CA10: variants seen among roughly 807,000 people sequenced by gnomAD.
CA10 encodes carbonic anhydrase-related protein 10.
A neutral mutation model predicts 44.2 loss-of-function variants in CA10; 14 were observed. The observed-to-expected ratio is 0.32, with a 90% CI of 0.21 to 0.50. CA10 has a LOEUF of 0.50. Ranked by LOEUF, CA10 falls within the 20% of genes least tolerant of loss-of-function variation. CA10 has a pLI of 0.99. For missense variants in CA10, 350 were observed against 409.7 expected (o/e 0.85, Z 1.26); for synonymous variants, 159 against 141.6 (o/e 1.12, Z -0.87).
intron 4 of CA10, among the ~76,000 whole-genome samples, chr17:51,679,184 TGCAGATTCTGATTCATTATGTCTGGG>T (rs1305139782): frequency 6.2e-4 from 94 of 152,220 alleles, no homozygotes; most frequent in African/African-American, 1.9e-3. Flanking sequence ...CTTGTTAAAA[TGCAGATTCTGATTCATTATGTCTGGG>T]GCAGATTCTG....
At chr17:51,962,472 G>A (rs1359065849) in intron 2 of CA10, among the ~76,000 whole-genome samples, 4 of 152,168 alleles carry the variant, frequency 2.6e-5, no homozygotes, top group African/African-American at 9.7e-5. Context: ...TGGGCTCCAT[G>A]GATGAGCCCA....
intron 3 of CA10, among the ~76,000 whole-genome samples, chr17:51,812,013 T>G (rs1023293707): frequency 6.6e-6 from 1 of 152,206 alleles, no homozygotes; most frequent in Non-Finnish European, 1.5e-5. Context: ...TATCTCACAC[T>G]ATGCATTGTC....
chr17:51,958,144 A>G (rs203018), intron 2 of CA10, among the ~76,000 whole-genome samples: 145,939 of 152,258 alleles, frequency 0.96, 70,219 homozygotes, highest in East Asian at 1. Flanking sequence ...TAAATGACGT[A>G]TGTAGCTGCA....
chr17:52,007,234 A>G (rs1985631039), intron 2 of CA10, among the ~76,000 whole-genome samples: 1 of 151,564 alleles, frequency 6.6e-6, no homozygotes, highest in African/African-American at 2.4e-5. Flanking sequence ...ATCAACCTAT[A>G]GTTTATATTC....
intron 1 of CA10, among the ~76,000 whole-genome samples, chr17:52,106,340 G>A (rs557323536): frequency 2.3e-4 from 35 of 152,298 alleles, no homozygotes; most frequent in African/African-American, 8.2e-4. Context: ...GAGTGAGCCA[G>A]GGAGGTGGAA....
intron 2 of CA10, among the ~76,000 whole-genome samples, chr17:51,971,455 T>A (rs1984278153): frequency 1.3e-5 from 2 of 152,134 alleles, no homozygotes; most frequent in South Asian, 4.1e-4. Flanking sequence ...ATAAAGGAAA[T>A]CTTCAGAAAG....
intron 3 of CA10, among the ~76,000 whole-genome samples, chr17:51,924,442 T>C (rs990429752): frequency 2.6e-5 from 4 of 152,314 alleles, no homozygotes; most frequent in Middle Eastern, 3.4e-3. Flanking sequence ...TTAAGAGTTT[T>C]ATTAGCTCGT....
intron 2 of CA10, among the ~76,000 whole-genome samples, chr17:51,957,427 G>A (rs549422910): frequency 6.6e-6 from 1 of 151,936 alleles, no homozygotes; most frequent in African/African-American, 2.4e-5. Context: ...CTGAATATAT[G>A]AAAACTTTTT....
chr17:51,821,593 C>A (rs976745479), intron 3 of CA10, among the ~76,000 whole-genome samples: 1 of 152,002 alleles, frequency 6.6e-6, no homozygotes, highest in South Asian at 2.1e-4. Flanking sequence ...TAGTCTACAT[C>A]CAGGGGTCAG....
chr17:51,799,863 C>A (rs1215170683), intron 3 of CA10, among the ~76,000 whole-genome samples: 1 of 152,170 alleles, frequency 6.6e-6, no homozygotes, highest in Non-Finnish European at 1.5e-5. Context: ...CAGATGATGA[C>A]AAGTGTTGAT....
chr17:52,060,565 TAAAA>T (rs376907227), intron 2 of CA10, among the ~76,000 whole-genome samples: 2 of 152,032 alleles, frequency 1.3e-5, no homozygotes, highest in East Asian at 1.9e-4. Flanking sequence ...CATCCCAAAA[TAAAA>T]AAATTATTTT....
chr17:51,898,849 A>G (rs906183021), intron 3 of CA10, among the ~76,000 whole-genome samples: 18 of 152,044 alleles, frequency 1.2e-4, no homozygotes, highest in Admixed American at 3.9e-4. Context: ...AGGTATTCAT[A>G]GTAGTCTCTG....
intron 4 of CA10, among the ~76,000 whole-genome samples, chr17:51,702,364 T>A (rs543796562): frequency 1.3e-5 from 2 of 152,232 alleles, no homozygotes; most frequent in South Asian, 4.2e-4. Flanking sequence ...TGACCTTGCC[T>A]TGAACTACTG....
intron 4 of CA10, among the ~76,000 whole-genome samples, chr17:51,667,915 T>C (rs2143337005): frequency 6.6e-6 from 1 of 152,346 alleles, no homozygotes; most frequent in East Asian, 1.9e-4. Flanking sequence ...GACTTCAATA[T>C]CCATTCCAAG....
chr17:51,946,206 A>G (rs1009875228), intron 2 of CA10, among the ~76,000 whole-genome samples: 2 of 152,192 alleles, frequency 1.3e-5, no homozygotes, highest in Non-Finnish European at 2.9e-5. Flanking sequence ...GTTAAGTGGA[A>G]TAAGTTCCAG....
chr17:51,998,095 T>C (rs1014881993), intron 2 of CA10, among the ~76,000 whole-genome samples: 1 of 152,204 alleles, frequency 6.6e-6, no homozygotes, highest in African/African-American at 2.4e-5. Flanking sequence ...CCCAGCCCAG[T>C]GCAGACAGAC....
intron 1 of CA10, among the ~76,000 whole-genome samples, chr17:52,089,335 G>GGC (rs780675539): frequency 7.9e-5 from 12 of 152,206 alleles, no homozygotes; most frequent in Non-Finnish European, 1.6e-4. Flanking sequence ...AGGGTGGGCT[G>GGC]GCATTAGGTC....
chr17:52,124,288 C>T (rs1314646799), intron 1 of CA10, among the ~76,000 whole-genome samples: 4 of 152,262 alleles, frequency 2.6e-5, no homozygotes, highest in South Asian at 2.1e-4. Flanking sequence ...ATGAAGAAGG[C>T]AATGCAAAAC....
At chr17:51,771,011 C>A (rs1254900636) in intron 3 of CA10, among the ~76,000 whole-genome samples, 1 of 150,334 alleles carries the variant, frequency 6.7e-6, no homozygotes, top group Non-Finnish European at 1.5e-5. Flanking sequence ...GTAGTCCCAG[C>A]TACTCAGGAG....
Sources: gnomAD v4.1 joint callset for allele counts (sites outside exome capture counted in the v4.1 genomes callset) on GRCh38, gnomAD v4.1.1 for gene constraint, MANE v1.5 for transcripts, NCBI Gene and HGNC (gene_info 2026-07-23, HGNC 2026-07-21) for gene names.